Variants in HDGFL2 observed in about 807,000 individuals in gnomAD.
HDGFL2 encodes the protein HDGF like 2, also known as hepatoma-derived growth factor-related protein 2.
In HDGFL2, 36 loss-of-function variants were observed where a neutral mutation model predicts 77.1. That is an observed-to-expected ratio of 0.47 (90% CI 0.36 to 0.62). The LOEUF (loss-of-function observed/expected upper bound fraction) is 0.62. Ranked by LOEUF, HDGFL2 falls within the 20% of genes least tolerant of loss-of-function variation. The pLI is 0.00. For synonymous variants in HDGFL2, 463 were observed against 413.1 expected, an observed-to-expected ratio of 1.12 and a Z score of -1.46; for missense variants, 976 against 973.4, an observed-to-expected ratio of 1.00 and a Z score of -0.04.
chr19:4,493,137 A>ATCTGTGTCTGTGTGGTGTGTGTTG (rs1167225002), intron 6 of HDGFL2, among the ~76,000 whole-genome samples: 2 of 39,092 alleles, frequency 5.1e-5, no homozygotes, highest in African/African-American at 1.0e-4. Flanking sequence ...TGTGTGTGTT[A>ATCTGTGTCTGTGTGGTGTGTGTTG]TCTGTGTCTG....
At chr19:4,491,738 C>G in intron 5 of HDGFL2, 26 bp from the exon 6 acceptor site, 1 of 1,613,712 alleles carries the variant, frequency 6.2e-7, no homozygotes, top group Non-Finnish European at 8.5e-7. Flanking sequence ...CAGTGGGCCC[C>G]AGTTCAGCTC....
At chr19:4,472,883 G>T (rs1599693579) in intron 1 of HDGFL2, among the ~76,000 whole-genome samples, 1 of 150,832 alleles carries the variant, frequency 6.6e-6, no homozygotes, top group South Asian at 2.1e-4. Flanking sequence ...AGCCCTGCAG[G>T]AGCCGCGCCC....
rs182392294 is a variant in HDGFL2 at position 4,491,313 on chromosome 19, C to T, written c.490-253C>T. Among the ~76,000 whole-genome samples the T allele has an allele frequency of 2.1e-3, 303 of 141,936 alleles. 2 individuals carry two copies. Among genetic ancestry groups the T allele is most frequent in the African/African-American group, 7.1e-3 (276 of 38,626 alleles). 93.1% of individuals were successfully genotyped at this position (141,936 alleles called of 152,430 possible). On this transcript the variant is annotated intron_variant, in intron 4 of 15. Transcript: ENST00000616600. ...CGCAGCCCTGGTGCCCCTCATCCTA[C>T]TTTCTGTCTCTGTGAGTCTGATGGC...
chr19:4,475,087 G>A (rs1975037437), intron 1 of HDGFL2, 188 bp from the exon 2 acceptor site: 1 of 600,550 alleles, frequency 1.7e-6, no homozygotes, highest in African/African-American at 1.9e-5. Context: ...GAGCTCTCTG[G>A]GTGGGGCACA....
chr19:4,501,418 G>A, intron 15 of HDGFL2, 101 bp downstream of exon 15: 1 of 1,369,762 alleles, frequency 7.3e-7, no homozygotes, highest in Non-Finnish European at 9.8e-7. Flanking sequence ...CTCTGGGATG[G>A]GTCCCAGGGA....
At chr19:4,497,756 G>A in intron 10 of HDGFL2, 1 of 576,842 alleles carries the variant, frequency 1.7e-6, no homozygotes, top group Non-Finnish European at 3.1e-6. Context: ...GTATCTTTGG[G>A]CAGCTCGAGC....
chr19:4,489,427 C>T (rs1016527022), intron 4 of HDGFL2, among the ~76,000 whole-genome samples: 9 of 149,120 alleles, frequency 6.0e-5, no homozygotes, highest in Non-Finnish European at 1.3e-4. Context: ...TTTTTTGAGA[C>T]GGAGTCTCAT....
chr19:4,474,081 G>C (rs569264885), intron 1 of HDGFL2, among the ~76,000 whole-genome samples: 2 of 152,032 alleles, frequency 1.3e-5, no homozygotes, highest in African/African-American at 2.4e-5. Context: ...ACAGGCCAGC[G>C]GGAAGCAGGG....
At chr19:4,497,236 G>C (rs1303517233) in intron 10 of HDGFL2, 5 of 410,502 alleles carry the variant, frequency 1.2e-5, no homozygotes, top group Non-Finnish European at 2.4e-5. Context: ...CTTGCTCTGT[G>C]GCCCAGGCTG....
rs1416044611 is a variant in HDGFL2, at chr19:4,475,586, G to A, written c.288+3G>A. 2.5e-6 allele frequency: 4 copies of A among 1,571,658 alleles called. No homozygotes were observed. Among genetic ancestry groups the A allele is most frequent in the Non-Finnish European group, 3.4e-6 (4 of 1,165,762 alleles). On this transcript the variant is annotated splice_donor_region_variant and intron_variant, in intron 3 of 15. Transcript: ENST00000616600. ...ACGCCAGCTACAGCGCCCCTCCGGT[G>A]AGTACCCGGGGTGGAGAGCCAGTGT... is the stretch of plus-strand genomic sequence containing the variant.
At position 4,475,603 on chromosome 19, in the gene HDGFL2, A is replaced by C; in HGVS notation, c.288+20A>C. On this transcript the variant is annotated intron_variant, in intron 3 of 15. Transcript: ENST00000616600. ...CCTCCGGTGAGTACCCGGGGTGGAG[A>C]GCCAGTGTGAAGCGCGCTACTGATG... 2 of 1,558,866 alleles carry C rather than the reference A, an allele frequency of 1.3e-6. No homozygotes were observed. Among genetic ancestry groups the C allele is most frequent in the Non-Finnish European group, 1.7e-6 (2 of 1,159,148 alleles).
intron 1 of HDGFL2, chr19:4,475,065 G>C: frequency 1.7e-6 from 1 of 575,982 alleles, no homozygotes; most frequent in Non-Finnish European, 3.1e-6. Context: ...CTCCGTCCCT[G>C]GGGTAGGGGG....
chr19:4,479,770 G>T (rs1333560590), intron 3 of HDGFL2, among the ~76,000 whole-genome samples: 3 of 151,336 alleles, frequency 2.0e-5, no homozygotes, highest in African/African-American at 7.3e-5. Flanking sequence ...CCCAGATGTG[G>T]TGGTGGGCAC....
chr19:4,497,184 TTTTG>T (rs1158277605), intron 10 of HDGFL2: 1 of 435,104 alleles, frequency 2.3e-6, no homozygotes, highest in South Asian at 1.6e-5. Flanking sequence ...CAGCCCACGT[TTTTG>T]TTTTTGTTTT....
intron 1 of HDGFL2, among the ~76,000 whole-genome samples, chr19:4,474,113 C>T (rs1344511880): frequency 6.6e-6 from 1 of 152,014 alleles, no homozygotes; most frequent in African/African-American, 2.4e-5. Flanking sequence ...TTGTCATCCC[C>T]AGGTCTTAGG....
intron 4 of HDGFL2, among the ~76,000 whole-genome samples, chr19:4,491,183 A>G (rs530478853): frequency 2.0e-5 from 3 of 148,968 alleles, no homozygotes; most frequent in South Asian, 4.3e-4. Flanking sequence ...CATCACCACC[A>G]TCATCTCCAG....
At position 4,493,772 on chromosome 19, in the gene HDGFL2, A is replaced by G. The variant is rs1284238726; in HGVS notation, c.748A>G (p.Met250Val). Residue 250 changes from methionine (M) to valine (V), a missense_variant, in exon 7 of 16, where the codon ATG (methionine) becomes GTG (valine). By Grantham distance (21) the Met-to-Val change is conservative (BLOSUM62 1). Transcript: ENST00000616600. ...CGGGGCCAAGCCTGAGCCGGTGGCC[A>G]TGGCGCGGTCGGCGTCCTCCTCCTC... ...SDGAKPEPVA[M>V]ARSASSSSSS... The G allele has an allele frequency of 8.4e-6, 13 of 1,543,776 alleles. No homozygotes were observed. The highest frequency in any genetic ancestry group is 6.1e-6 in the Non-Finnish European group (7 of 1,141,538).
intron 3 of HDGFL2, among the ~76,000 whole-genome samples, chr19:4,478,408 G>T (rs1162483624): frequency 6.6e-6 from 1 of 151,958 alleles, no homozygotes; most frequent in Non-Finnish European, 1.5e-5. Flanking sequence ...CACCATGTTG[G>T]TCAGGCTGGT....
intron 3 of HDGFL2, among the ~76,000 whole-genome samples, chr19:4,484,765 G>T (rs1176481332): frequency 4.3e-5 from 6 of 138,586 alleles, no homozygotes; most frequent in Admixed American, 8.2e-5. Context: ...TCCGCCTCCT[G>T]GGTTCACGCC....
Sources: allele counts gnomAD v4.1 joint callset (sites outside exome capture counted in the v4.1 genomes callset), GRCh38; gene constraint gnomAD v4.1.1; transcripts MANE v1.5; gene names NCBI Gene and HGNC (gene_info 2026-07-23, HGNC 2026-07-21).